Variants in ENOX1 observed in about 807,000 individuals in gnomAD.
ENOX1 encodes the protein ecto-NOX disulfide-thiol exchanger 1.
In ENOX1, 42 loss-of-function variants were observed where a neutral mutation model predicts 82.5. The observed-to-expected ratio is 0.51, with a 90% confidence interval of 0.40 to 0.66. ENOX1 has a LOEUF of 0.66. ENOX1 is among the 30% of genes least tolerant of loss of function. The pLI is 0.00. For synonymous variants in ENOX1, 271 were observed against 282.2 expected (o/e 0.96, Z 0.40); for missense variants, 608 against 811.6 (o/e 0.75, Z 3.05).
chr13:43,740,350 T>TC (rs1491268813), intron 1 of ENOX1, among the ~76,000 whole-genome samples: 3 of 117,038 alleles, frequency 2.6e-5, no homozygotes, highest in Admixed American at 1.6e-4. Context: ...CCAATTTACC[T>TC]TTTTTTTTTA....
intron 11 of ENOX1, among the ~76,000 whole-genome samples, chr13:43,304,777 C>A (rs573713684): frequency 5.9e-5 from 9 of 152,326 alleles, no homozygotes; most frequent in African/African-American, 2.2e-4. Context: ...CTGATACCCA[C>A]TAATCCCAGA....
intron 1 of ENOX1, among the ~76,000 whole-genome samples, chr13:43,683,819 T>C (rs554537205): frequency 3.3e-5 from 5 of 152,156 alleles, no homozygotes; most frequent in Non-Finnish European, 7.4e-5. Flanking sequence ...TCACTGCCTC[T>C]GGCCAGAATT....
intron 11 of ENOX1, among the ~76,000 whole-genome samples, chr13:43,300,903 C>T (rs1406452351): frequency 6.7e-6 from 1 of 149,084 alleles, no homozygotes; most frequent in African/African-American, 2.6e-5. Flanking sequence ...AATTATCCAG[C>T]ACATAACCCG....
chr13:43,266,810 C>T (rs2044397961), intron 13 of ENOX1, among the ~76,000 whole-genome samples: 1 of 152,182 alleles, frequency 6.6e-6, no homozygotes, highest in Non-Finnish European at 1.5e-5. Context: ...CTGCTCATCC[C>T]ACCTTAGGTC....
At chr13:43,324,389 G>C (rs1381272318) in intron 10 of ENOX1, among the ~76,000 whole-genome samples, 6 of 152,098 alleles carry the variant, frequency 3.9e-5, no homozygotes, top group Non-Finnish European at 7.4e-5. Flanking sequence ...GTTTCCACAG[G>C]GTGCCTCTGG....
In ENOX1 at chr13:43,666,289, G is replaced by A. The variant is rs547925276; in HGVS notation, c.-219+1190C>T. ...ATTGAGGTATGCCTGTACCCCTATA[G>A]TGCTATTGGCTGAATTGTGTACCCC... On this transcript the variant is annotated intron_variant, in intron 2 of 16. Coordinates refer to ENST00000690772, the MANE Select transcript of ENOX1 (RefSeq NM_001347969.2). Among the ~76,000 whole-genome samples, 4 of 152,234 alleles carry A rather than the reference G, an allele frequency of 2.6e-5. No homozygotes were observed. In the South Asian group the frequency reaches 8.3e-4, roughly 32 times the overall value.
chr13:43,580,291 A>C (rs2080653502), intron 2 of ENOX1, among the ~76,000 whole-genome samples: 1 of 152,240 alleles, frequency 6.6e-6, no homozygotes, highest in Non-Finnish European at 1.5e-5. Context: ...ATTTATGTGT[A>C]CAAAGTTAGT....
At chr13:43,309,304 G>A (rs1008156844) in intron 11 of ENOX1, among the ~76,000 whole-genome samples, 3 of 152,102 alleles carry the variant, frequency 2.0e-5, no homozygotes, top group African/African-American at 7.2e-5. Context: ...TTACAGGTGT[G>A]AGTCACTGTA....
intron 1 of ENOX1, among the ~76,000 whole-genome samples, chr13:43,755,163 T>C (rs1950584652): frequency 6.6e-6 from 1 of 152,088 alleles, no homozygotes; most frequent in African/African-American, 2.4e-5. Context: ...AATCAATGCA[T>C]GTTCCTCATT....
At chr13:43,381,501 C>G (rs1438973932) in intron 5 of ENOX1, among the ~76,000 whole-genome samples, 1 of 142,736 alleles carries the variant, frequency 7.0e-6, no homozygotes, top group Non-Finnish European at 1.5e-5. Flanking sequence ...AAAAAAAGAG[C>G]AAATTGAGCC....
At chr13:43,742,735 G>A (rs1949809149) in intron 1 of ENOX1, among the ~76,000 whole-genome samples, 1 of 152,220 alleles carries the variant, frequency 6.6e-6, no homozygotes, top group Non-Finnish European at 1.5e-5. Flanking sequence ...TGGAAGTGGA[G>A]AGAAGTGGTT....
chr13:43,419,470 GGGGAGT>G (rs1362891518), intron 3 of ENOX1, among the ~76,000 whole-genome samples: 1 of 152,004 alleles, frequency 6.6e-6, no homozygotes, highest in African/African-American at 2.4e-5. Context: ...TGCTTGAGCT[GGGGAGT>G]GAGGGGTGCA....
chr13:43,299,283 C>T (rs984843557), intron 11 of ENOX1, among the ~76,000 whole-genome samples: 6 of 151,990 alleles, frequency 3.9e-5, no homozygotes, highest in Middle Eastern at 3.4e-3. Flanking sequence ...CAGAAATAGC[C>T]GAAACTGAAA....
chr13:43,271,173 G>A (rs896049109), intron 12 of ENOX1, among the ~76,000 whole-genome samples: 1 of 152,192 alleles, frequency 6.6e-6, no homozygotes, highest in Admixed American at 6.5e-5. Flanking sequence ...TCAAAGGTAG[G>A]TAGCTCATGT....
intron 2 of ENOX1, among the ~76,000 whole-genome samples, chr13:43,645,728 T>C (rs1594242254): frequency 5.1e-5 from 1 of 19,754 alleles, no homozygotes; most frequent in African/African-American, 1.6e-4. Flanking sequence ...GTGAAAAGAA[T>C]TAGAAAATAG....
At chr13:43,576,013 A>ACATT (rs2080406981) in intron 2 of ENOX1, among the ~76,000 whole-genome samples, 1 of 152,262 alleles carries the variant, frequency 6.6e-6, no homozygotes, top group Non-Finnish European at 1.5e-5. Context: ...TTGTAGTCTA[A>ACATT]TGAGAAACGT....
At chr13:43,508,999 A>G (rs2077273447) in intron 2 of ENOX1, among the ~76,000 whole-genome samples, 1 of 151,998 alleles carries the variant, frequency 6.6e-6, no homozygotes, top group Non-Finnish European at 1.5e-5. Flanking sequence ...ATCCAGCTAG[A>G]CTAATGCTTC....
rs147665094 is a variant in ENOX1 at position 43,220,072 on chromosome 13, G to A, written c.1800+3981C>T. ...AAATACAAAATGTAGATGGGGCAAA[G>A]GGAGGGGAGGAAGGAAGGGAGAAAG... On this transcript the variant is annotated intron_variant, in intron 16 of 16. Transcript: ENST00000690772. Among the ~76,000 whole-genome samples, 3 of 152,232 alleles carry A rather than the reference G, an allele frequency of 2.0e-5. No homozygotes were observed. The East Asian group carries it at 5.8e-4, about 29-fold the overall frequency.
chr13:43,522,195 T>A (rs540643249), intron 2 of ENOX1, among the ~76,000 whole-genome samples: 4 of 152,218 alleles, frequency 2.6e-5, no homozygotes, highest in South Asian at 2.1e-4. Flanking sequence ...TAGATTCAGA[T>A]AATTCAATAT....
Sources: allele counts gnomAD v4.1 joint callset (sites outside exome capture counted in the v4.1 genomes callset), GRCh38; gene constraint gnomAD v4.1.1; transcripts MANE v1.5; gene names NCBI Gene and HGNC (gene_info 2026-07-23, HGNC 2026-07-21).